The following PGM5 variants were observed in gnomAD, a reference collection of about 807,000 sequenced individuals.
PGM5 encodes phosphoglucomutase 5, also known as phosphoglucomutase-like protein 5.
PGM5 carries 23 observed loss-of-function variants against 59.2 expected under a neutral mutation model. The ratio of observed to expected loss-of-function variants is 0.39; its 90% CI spans 0.28 to 0.55. The LOEUF (loss-of-function observed/expected upper bound fraction) is 0.55. Among genes scored for constraint, PGM5 ranks in the 20% least tolerant of loss-of-function variants. The probability of loss-of-function intolerance (pLI) is 0.66; values close to 1 mark genes in which losing one functional copy is unlikely to be tolerated. For synonymous variants in PGM5, 214 were observed against 286.0 expected (o/e 0.75, Z 2.54); for missense variants, 574 against 748.3 (o/e 0.77, Z 2.72).
At chr9:68,478,533 T>C (rs1824141167) in intron 7 of PGM5, among the ~76,000 whole-genome samples, 1 of 152,204 alleles carries the variant, frequency 6.6e-6, no homozygotes, top group Admixed American at 6.5e-5. Context: ...TGTATTCTCT[T>C]ATAGTTCTGG....
At chr9:68,527,092 G>C (rs961906136) in intron 10 of PGM5, among the ~76,000 whole-genome samples, 3 of 152,206 alleles carry the variant, frequency 2.0e-5, no homozygotes, top group Non-Finnish European at 2.9e-5. Flanking sequence ...GCACGCGTTA[G>C]TTTGTAGAGT....
intron 6 of PGM5, among the ~76,000 whole-genome samples, chr9:68,408,513 A>G (rs1563997400): frequency 6.6e-6 from 1 of 152,050 alleles, no homozygotes; most frequent in Non-Finnish European, 1.5e-5. Flanking sequence ...ATTTTCTCCC[A>G]TTTTGTAAGT....
chr9:68,369,731 G>GT (rs1396341997), intron 1 of PGM5, among the ~76,000 whole-genome samples: 4 of 152,178 alleles, frequency 2.6e-5, no homozygotes, highest in Non-Finnish European at 5.9e-5. Context: ...ATCCATGGTG[G>GT]TTTGATGCTC....
chr9:68,495,629 A>G, intron 9 of PGM5, among the ~76,000 whole-genome samples: 1 of 152,206 alleles, frequency 6.6e-6, no homozygotes, highest in East Asian at 1.9e-4. Context: ...ACTAAAGTGC[A>G]ATTTAATAAA....
intron 6 of PGM5, among the ~76,000 whole-genome samples, chr9:68,400,408 T>C (rs1483084893): frequency 1.3e-5 from 2 of 152,182 alleles, no homozygotes; most frequent in South Asian, 2.1e-4. Flanking sequence ...CATGCACTTC[T>C]GTCCCTGAAA....
At chr9:68,461,769 A>G (rs1449423597) in intron 6 of PGM5, among the ~76,000 whole-genome samples, 1 of 151,794 alleles carries the variant, frequency 6.6e-6, no homozygotes, top group Non-Finnish European at 1.5e-5. Flanking sequence ...ATTATCTAGT[A>G]TCAGCTATCC....
chr9:68,364,279 T>C (rs1366807314), intron 1 of PGM5, among the ~76,000 whole-genome samples: 3 of 152,110 alleles, frequency 2.0e-5, no homozygotes, highest in Admixed American at 6.5e-5. Flanking sequence ...CAGTTGGCCA[T>C]GAAAAGCTGG....
chr9:68,461,244 A>G (rs1823854630), intron 6 of PGM5, among the ~76,000 whole-genome samples: 1 of 152,134 alleles, frequency 6.6e-6, no homozygotes, highest in Non-Finnish European at 1.5e-5. Flanking sequence ...AGCTGGCAGA[A>G]GGAGAAAGAA....
At chr9:68,383,907 G>T (rs1822148109) in intron 2 of PGM5, among the ~76,000 whole-genome samples, 2 of 151,804 alleles carry the variant, frequency 1.3e-5, no homozygotes, top group Admixed American at 6.6e-5. Flanking sequence ...ATTGTGAGTT[G>T]GGGAAAATAA....
At chr9:68,448,307 G>A (rs1262677731) in intron 6 of PGM5, among the ~76,000 whole-genome samples, 4 of 152,072 alleles carry the variant, frequency 2.6e-5, no homozygotes, top group African/African-American at 9.7e-5. Context: ...CTCTTCCCAG[G>A]GCACCCAGGT....
Position 68,519,335 on chromosome 9 carries a change from A to T in PGM5, c.1615-10232A>T, listed in dbSNP as rs944445740. Reference sequence around the variant, plus strand: ...ATTGCTGAAATATGTATATTAATTAATATGGAGAATTAAATTATACAACCA... The same window carrying T: ...ATTGCTGAAATATGTATATTAATTATTATGGAGAATTAAATTATACAACCA... On this transcript the variant is annotated intron_variant, in intron 10 of 10. Transcript: ENST00000396396. Among the ~76,000 whole-genome samples the T allele has an allele frequency of 9.2e-5, 14 of 152,198 alleles. No individual in the cohort carries two copies. In the East Asian group the frequency reaches 1.5e-3, roughly 17 times the overall value.
chr9:68,502,362 GTACAAT>G (rs1564023719), intron 10 of PGM5, among the ~76,000 whole-genome samples: 1 of 152,194 alleles, frequency 6.6e-6, no homozygotes, highest in African/African-American at 2.4e-5. Flanking sequence ...ACCAGAAACA[GTACAAT>G]TGTTTCCGTT....
chr9:68,414,343 G>A (rs2132041367), intron 6 of PGM5, among the ~76,000 whole-genome samples: 1 of 152,308 alleles, frequency 6.6e-6, no homozygotes, highest in Non-Finnish European at 1.5e-5. Flanking sequence ...CAGACTACCA[G>A]GTGAGATAAA....
chr9:68,441,178 C>G (rs1006016432), intron 6 of PGM5, among the ~76,000 whole-genome samples: 6 of 151,786 alleles, frequency 4.0e-5, no homozygotes, highest in African/African-American at 1.5e-4. Context: ...CCAAAAAATC[C>G]TAGTGCAAAT....
intron 7 of PGM5, among the ~76,000 whole-genome samples, chr9:68,472,523 G>A (rs1208688727): frequency 1.3e-5 from 2 of 152,120 alleles, no homozygotes; most frequent in African/African-American, 2.4e-5. Context: ...TCCTCATTGC[G>A]AGACAACTTC....
At chr9:68,413,629 C>A (rs1423573072) in intron 6 of PGM5, among the ~76,000 whole-genome samples, 3 of 152,164 alleles carry the variant, frequency 2.0e-5, no homozygotes, top group Admixed American at 2.0e-4. Context: ...GAATTCAAAG[C>A]ATTCTTATAT....
chr9:68,379,315 TTTA>T (rs1189486955), intron 2 of PGM5, among the ~76,000 whole-genome samples: 5 of 152,168 alleles, frequency 3.3e-5, no homozygotes, highest in Non-Finnish European at 7.4e-5. Flanking sequence ...GGAGCCAAAT[TTTA>T]ACCAGCAACA....
intron 9 of PGM5, among the ~76,000 whole-genome samples, chr9:68,484,541 A>C (rs937837883): frequency 7.6e-6 from 1 of 132,290 alleles, no homozygotes; most frequent in Non-Finnish European, 1.6e-5. Context: ...CCATGTCTCA[A>C]ACACACACAC....
intron 10 of PGM5, among the ~76,000 whole-genome samples, chr9:68,525,794 C>T (rs1053051352): frequency 2.7e-4 from 41 of 152,164 alleles, no homozygotes; most frequent in African/African-American, 8.7e-4. Context: ...TGGTGGCTCA[C>T]GCCTATTATC....
Sources: allele counts gnomAD v4.1 joint callset (sites outside exome capture counted in the v4.1 genomes callset), GRCh38; gene constraint gnomAD v4.1.1; transcripts MANE v1.5; gene names NCBI Gene and HGNC (gene_info 2026-07-23, HGNC 2026-07-21).